The following CA10 variants were observed in gnomAD, a reference collection of about 807,000 sequenced individuals.
The protein encoded by CA10 is carbonic anhydrase 10 (inactive).
In CA10, 14 loss-of-function variants were observed where a neutral mutation model predicts 44.2. That is an observed-to-expected ratio of 0.32 (90% CI 0.21 to 0.50). CA10 has a LOEUF of 0.50. CA10 is among the 20% of genes least tolerant of loss of function. The probability of loss-of-function intolerance (pLI) is 0.99; values close to 1 mark genes in which losing one functional copy is unlikely to be tolerated. For synonymous variants in CA10, 159 were observed against 141.6 expected, an observed-to-expected ratio of 1.12 and a Z score of -0.87; for missense variants, 350 against 409.7, an observed-to-expected ratio of 0.85 and a Z score of 1.26.
rs1382448786 is a variant in CA10, at chr17:52,072,388, G to C, written c.67C>G (p.Gln23Glu). 6.2e-7 allele frequency: 1 copy of C among 1,612,378 alleles called. No individual in the cohort carries two copies. The change falls in exon 2 of 9, where the codon CAG (glutamine) becomes GAG (glutamate). Residue 23 changes from glutamine (Q) to glutamate (E), a missense_variant. By Grantham distance (29) the Gln-to-Glu change is conservative (BLOSUM62 2). Coordinates refer to ENST00000451037, the MANE Select transcript of CA10 (RefSeq NM_020178.5). ...CCTTCATGGATTTTTGGTGAATTCT[G>C]TTGAGCTAAAGGAAAAGCAAAGAAG... is the stretch of plus-strand genomic sequence containing the variant. Reference protein sequence around the residue: ...ANFIVCISAQQNSPKIHEGWW... With the variant: ...ANFIVCISAQENSPKIHEGWW...
chr17:51,849,425 G>T (rs181163825), intron 3 of CA10, among the ~76,000 whole-genome samples: 66 of 151,532 alleles, frequency 4.4e-4, no homozygotes, highest in African/African-American at 1.5e-3. Context: ...AGATGACAAG[G>T]TTACACTATG....
chr17:51,913,463 C>A (rs1032383645), intron 3 of CA10, among the ~76,000 whole-genome samples: 4 of 152,116 alleles, frequency 2.6e-5, no homozygotes, highest in Admixed American at 6.6e-5. Context: ...AATTGTTTGT[C>A]TGAGATTTTT....
intron 3 of CA10, among the ~76,000 whole-genome samples, chr17:51,870,953 A>T (rs1271054217): frequency 6.6e-6 from 1 of 151,974 alleles, no homozygotes; most frequent in Non-Finnish European, 1.5e-5. Context: ...ATGGGGTGAA[A>T]ATGTACCCTC....
intron 2 of CA10, among the ~76,000 whole-genome samples, chr17:52,043,460 TTGG>T (rs1986826754): frequency 6.6e-6 from 1 of 152,128 alleles, no homozygotes. Flanking sequence ...TAACAGTTTC[TTGG>T]TGGAGTTTTA....
intron 2 of CA10, among the ~76,000 whole-genome samples, chr17:52,071,026 A>T (rs1446518817): frequency 6.6e-6 from 1 of 152,194 alleles, no homozygotes; most frequent in Non-Finnish European, 1.5e-5. Context: ...ATTTCCTAGG[A>T]AAAAAGTATG....
At chr17:51,823,368 G>A (rs1907889984) in intron 3 of CA10, among the ~76,000 whole-genome samples, 1 of 152,232 alleles carries the variant, frequency 6.6e-6, no homozygotes, top group Non-Finnish European at 1.5e-5. Flanking sequence ...CCAGCCAAGG[G>A]CGACGGCTTT....
intron 2 of CA10, among the ~76,000 whole-genome samples, chr17:52,065,371 CT>C (rs1987506283): frequency 6.6e-6 from 1 of 152,212 alleles, no homozygotes; most frequent in Admixed American, 6.5e-5. Context: ...CAGCCTTTCA[CT>C]CTGTCTCCCG....
rs1912544115 is a variant in CA10, at chr17:51,630,959, TTCAATGTCTGTC to T, written c.*613_*624del. 6.5e-6 allele frequency: 1 copy of T among 153,484 alleles called. No individual in the cohort carries two copies. Among genetic ancestry groups the T allele is most frequent in the African/African-American group, 2.4e-5 (1 of 41,462 alleles). The allele number at this position is 153,484 out of a possible 1,614,324, so 9.5% of individuals were successfully genotyped here. ...GTGATATATATACAATGTGTAGCTC[TTCAATGTCTGTC>T]CTTTTTTTCTTTGTAAATTGTTGAG... On this transcript the variant is annotated 3_prime_UTR_variant, in exon 9 of 9. Coordinates refer to ENST00000451037, the MANE Select transcript of CA10 (RefSeq NM_020178.5).
At chr17:52,081,895 T>C (rs1445686459) in intron 1 of CA10, among the ~76,000 whole-genome samples, 3 of 150,260 alleles carry the variant, frequency 2.0e-5, no homozygotes, top group Non-Finnish European at 4.4e-5. Flanking sequence ...CAAGGAAAAC[T>C]CCCACCCTTT....
At position 51,657,228 on chromosome 17, in the gene CA10, A is replaced by G. The variant is rs936871688; in HGVS notation, c.466-3492T>C. On this transcript the variant is annotated intron_variant, in intron 4 of 8. Transcript: ENST00000451037. ...GAGCACAGGAGACAGCTTGACAGTCACCAGGCTTTTTGTTCTCAGCTGTAA... is the reference window on the plus strand; with the variant it reads ...GAGCACAGGAGACAGCTTGACAGTCGCCAGGCTTTTTGTTCTCAGCTGTAA... 4.6e-5 allele frequency among the ~76,000 whole-genome samples: 7 copies of G among 152,292 alleles called. No individual in the cohort carries two copies. The Middle Eastern group carries it at 0.01, about 224-fold the overall frequency.
chr17:51,986,665 A>G (rs1438334851), intron 2 of CA10, among the ~76,000 whole-genome samples: 1 of 152,108 alleles, frequency 6.6e-6, no homozygotes, highest in East Asian at 1.9e-4. Flanking sequence ...TTAGCAAGAA[A>G]AAAACAAATA....
chr17:51,973,382 C>T (rs60104307), intron 2 of CA10, among the ~76,000 whole-genome samples: 6,428 of 152,230 alleles, frequency 0.042, 472 homozygotes, highest in African/African-American at 0.15. Flanking sequence ...GGGAAGAGGA[C>T]AGGAGGACGC....
intron 4 of CA10, among the ~76,000 whole-genome samples, chr17:51,667,154 C>G (rs975756143): frequency 1.3e-5 from 2 of 152,134 alleles, no homozygotes; most frequent in African/African-American, 4.8e-5. Context: ...CTCTTACATG[C>G]CACATAGGAG....
chr17:52,067,997 A>T (rs547269477), intron 2 of CA10, among the ~76,000 whole-genome samples: 1 of 152,300 alleles, frequency 6.6e-6, no homozygotes, highest in South Asian at 2.1e-4. Flanking sequence ...TTAATGCTGA[A>T]ATGAGTTAAG....
intron 3 of CA10, among the ~76,000 whole-genome samples, chr17:51,898,853 G>A (rs1177730042): frequency 6.6e-6 from 1 of 151,708 alleles, no homozygotes; most frequent in Non-Finnish European, 1.5e-5. Context: ...ATTCATAGTA[G>A]TCTCTGAGGT....
At chr17:51,760,086 C>T (rs1384686834) in intron 3 of CA10, among the ~76,000 whole-genome samples, 1 of 152,212 alleles carries the variant, frequency 6.6e-6, no homozygotes, top group East Asian at 1.9e-4. Flanking sequence ...GTTATTTTAT[C>T]TCCAAAGAGG....
intron 3 of CA10, among the ~76,000 whole-genome samples, chr17:51,844,840 C>T (rs1429868448): frequency 1.3e-5 from 2 of 152,116 alleles, no homozygotes; most frequent in Non-Finnish European, 2.9e-5. Context: ...AACACCCACA[C>T]CCACCGCACA....
At chr17:52,037,643 C>A (rs561531933) in intron 2 of CA10, among the ~76,000 whole-genome samples, 1 of 152,100 alleles carries the variant, frequency 6.6e-6, no homozygotes, top group Non-Finnish European at 1.5e-5. Flanking sequence ...TCACCCTCTC[C>A]CCAAGGACAT....
intron 4 of CA10, among the ~76,000 whole-genome samples, chr17:51,676,980 C>T (rs920937025): frequency 2.6e-5 from 4 of 152,074 alleles, no homozygotes; most frequent in African/African-American, 4.8e-5. Flanking sequence ...AGAGCAGCCT[C>T]GATTTGATAT....
Sources: gnomAD v4.1 joint callset for allele counts (sites outside exome capture counted in the v4.1 genomes callset) on GRCh38, gnomAD v4.1.1 for gene constraint, MANE v1.5 for transcripts, NCBI Gene and HGNC (gene_info 2026-07-23, HGNC 2026-07-21) for gene names.